The following FAXC variants were observed in gnomAD, a reference collection of about 807,000 sequenced individuals.
FAXC encodes failed axon connections homolog.
Under a neutral mutation model 41.9 loss-of-function variants are expected in FAXC, and 10 were observed. The observed-to-expected ratio is 0.24, with a 90% CI of 0.15 to 0.41. FAXC has a LOEUF of 0.41. FAXC is among the 10% of genes least tolerant of loss of function. The pLI is 1.00. For missense variants in FAXC, 399 were observed against 510.9 expected, an observed-to-expected ratio of 0.78 and a Z score of 2.11; for synonymous variants, 183 against 183.8, an observed-to-expected ratio of 1.00 and a Z score of 0.03.
chr6:99,311,411 C>T (rs944250213), intron 4 of FAXC, among the ~76,000 whole-genome samples: 2 of 152,030 alleles, frequency 1.3e-5, no homozygotes, highest in African/African-American at 4.8e-5. Context: ...CCCATCTCTA[C>T]TAAAAATACA....
At chr6:99,301,940 C>T (rs1299922551) in intron 4 of FAXC, among the ~76,000 whole-genome samples, 1 of 152,190 alleles carries the variant, frequency 6.6e-6, no homozygotes, top group African/African-American at 2.4e-5. Context: ...TAATAAGTTA[C>T]CCCCAAATTT....
intron 4 of FAXC, among the ~76,000 whole-genome samples, chr6:99,304,485 T>C (rs756899058): frequency 2.0e-5 from 3 of 152,180 alleles, no homozygotes; most frequent in African/African-American, 4.8e-5. Context: ...TTTACCTTGG[T>C]TGCCAAAAGC....
chr6:99,327,253 T>C (rs957573928), intron 3 of FAXC, among the ~76,000 whole-genome samples: 1 of 152,100 alleles, frequency 6.6e-6, no homozygotes, highest in African/African-American at 2.4e-5. Context: ...CCAAAGAAAA[T>C]AGATGCTTCA....
chr6:99,320,825 CTCA>C lies in FAXC; in HGVS notation c.823+2616_823+2618del, dbSNP rs1020784409. On this transcript the variant is annotated intron_variant, in intron 4 of 5. Transcript: ENST00000389677. ...CTTTCTTGGGCCAACACACTGCCGC[CTCA>C]TCTACGGCCCTCCCCAGTCCCCCCT... 2.9e-4 allele frequency among the ~76,000 whole-genome samples: 44 copies of C among 152,312 alleles called. 1 individual carries two copies. Among genetic ancestry groups the C allele is most frequent in the Admixed American group, 1.1e-3 (17 of 15,302 alleles).
In FAXC at chr6:99,309,320, A is replaced by G. The variant is rs796949760; in HGVS notation, c.823+14124T>C. 3.9e-5 allele frequency among the ~76,000 whole-genome samples: 6 copies of G among 152,320 alleles called. No homozygotes were observed. The South Asian group carries it at 1.2e-3, about 32-fold the overall frequency. On this transcript the variant is annotated intron_variant, in intron 4 of 5. Coordinates refer to ENST00000389677, the MANE Select transcript of FAXC (RefSeq NM_032511.4). ...GAAAAAGCTAAAATATACCCAGGAT[A>G]AAGACCCAGAAATAGAGACCAGATA...
chr6:99,339,184 C>A (rs975713633), intron 2 of FAXC, among the ~76,000 whole-genome samples: 21 of 152,184 alleles, frequency 1.4e-4, no homozygotes, highest in African/African-American at 5.1e-4. Flanking sequence ...GGGGAGCCCA[C>A]CCCCTCCAAC....
chr6:99,293,702 G>C (rs868392434), intron 4 of FAXC, among the ~76,000 whole-genome samples: 1,255 of 117,832 alleles, frequency 0.011, 11 homozygotes, highest in African/African-American at 0.034. Flanking sequence ...GTGTGTGTGT[G>C]TGTGTGTGTG....
intron 5 of FAXC, among the ~76,000 whole-genome samples, chr6:99,286,221 G>T (rs759130433): frequency 9.2e-5 from 14 of 152,178 alleles, no homozygotes; most frequent in Non-Finnish European, 1.8e-4. Context: ...CTTCAGAAAA[G>T]TTCCTAAAAT....
chr6:99,304,566 T>A (rs1369491724), intron 4 of FAXC, among the ~76,000 whole-genome samples: 1 of 152,208 alleles, frequency 6.6e-6, no homozygotes, highest in African/African-American at 2.4e-5. Context: ...CTAACAGGCT[T>A]CTGAAACTTT....
At chr6:99,294,047 C>G (rs1771366972) in intron 4 of FAXC, among the ~76,000 whole-genome samples, 1 of 152,034 alleles carries the variant, frequency 6.6e-6, no homozygotes, top group Non-Finnish European at 1.5e-5. Flanking sequence ...CCATAGAGAC[C>G]AAGAAATACC....
At chr6:99,328,331 C>T (rs548922780) in intron 3 of FAXC, among the ~76,000 whole-genome samples, 4 of 152,304 alleles carry the variant, frequency 2.6e-5, no homozygotes, top group Admixed American at 6.5e-5. Context: ...GGGATGAGTG[C>T]CCTTATAAAA....
In FAXC at chr6:99,289,680, C is replaced by T. The variant is rs886077160; in HGVS notation, c.940+2024G>A. On this transcript the variant is annotated intron_variant, in intron 5 of 5. Transcript: ENST00000389677. ...AAATATATATGTATATGTAAATGTA[C>T]ATATGTATATGTGTGTGTGTGTGTG... Among the ~76,000 whole-genome samples the T allele has an allele frequency of 7.8e-5, 8 of 102,356 alleles. No homozygotes were observed. In the East Asian group the frequency reaches 2.1e-3, roughly 27 times the overall value. 67.1% of individuals were successfully genotyped at this position (102,356 alleles called of 152,430 possible). A position where few individuals can be genotyped will look rare whatever the true frequency, so the allele number is the denominator to read the frequency against.
In FAXC at chr6:99,318,306, C is replaced by CACACAA. The variant is rs147852055; in HGVS notation, c.823+5137_823+5138insTTGTGT. On this transcript the variant is annotated intron_variant, in intron 4 of 5. Transcript: ENST00000389677. ...ACACACACACACACACACACACACA[C>CACACAA]AAAATAGAAGAAATGGAAAATATAT... Among the ~76,000 whole-genome samples the CACACAA allele has an allele frequency of 2.2e-3, 295 of 135,308 alleles. 4 individuals carry two copies. The highest frequency in any genetic ancestry group is 3.1e-3 in the Non-Finnish European group (191 of 62,428). The allele number at this position is 135,308 out of a possible 152,430, so 88.8% of individuals were successfully genotyped here.
At chr6:99,323,817 T>C in intron 3 of FAXC, 150 bp from the exon 4 acceptor site, 1 of 637,926 alleles carries the variant, frequency 1.6e-6, no homozygotes, top group South Asian at 1.9e-5. Flanking sequence ...ATGGCAGCTA[T>C]CACAACAGGC....
At chr6:99,283,482 G>A (rs1278770786) in intron 5 of FAXC, among the ~76,000 whole-genome samples, 1 of 152,122 alleles carries the variant, frequency 6.6e-6, no homozygotes, top group African/African-American at 2.4e-5. Flanking sequence ...ACATGTACTG[G>A]CTCCAGGTCA....
chr6:99,324,329 A>G (rs774630848), intron 3 of FAXC, among the ~76,000 whole-genome samples: 2 of 152,178 alleles, frequency 1.3e-5, no homozygotes, highest in Non-Finnish European at 2.9e-5. Flanking sequence ...CAGCCTCCAG[A>G]GTAGCTGTGA....
At position 99,272,051 on chromosome 6, in the gene FAXC, A is replaced by G. The variant is rs1420029328; in HGVS notation, c.*9113T>C. On this transcript the variant is annotated 3_prime_UTR_variant, in exon 6 of 6. Transcript: ENST00000389677. ...TTGAGCATATCATGGCCATATTACC[A>G]TATGCCAGTTTATCATCCCAAACGT... The G allele has an allele frequency of 6.6e-6, 1 of 152,062 alleles. No individual in the cohort carries two copies. The highest frequency in any genetic ancestry group is 1.5e-5 in the Non-Finnish European group (1 of 68,032). The allele number at this position is 152,062 out of a possible 1,614,324, so 9.4% of individuals were successfully genotyped here. A position where few individuals can be genotyped will look rare whatever the true frequency, so the allele number is the denominator to read the frequency against.
intron 5 of FAXC, among the ~76,000 whole-genome samples, chr6:99,289,102 C>G (rs1771135360): frequency 6.6e-6 from 1 of 152,174 alleles, no homozygotes; most frequent in Non-Finnish European, 1.5e-5. Flanking sequence ...TTCTACTGGT[C>G]TCTCATCTAC....
chr6:99,317,258 C>A (rs1190691683), intron 4 of FAXC, among the ~76,000 whole-genome samples: 1 of 152,254 alleles, frequency 6.6e-6, no homozygotes, highest in East Asian at 1.9e-4. Context: ...GATCATTTCT[C>A]CTTAAGCATT....
Sources: allele counts gnomAD v4.1 joint callset (sites outside exome capture counted in the v4.1 genomes callset), GRCh38; gene constraint gnomAD v4.1.1; transcripts MANE v1.5; gene names NCBI Gene and HGNC (gene_info 2026-07-23, HGNC 2026-07-21).